The following TAF4B variants were observed in gnomAD, a reference collection of about 807,000 sequenced individuals.
The protein encoded by TAF4B is TATA-box binding protein associated factor 4b.
A neutral mutation model predicts 86.4 loss-of-function variants in TAF4B; 38 were observed. The observed-to-expected ratio is 0.44, with a 90% CI of 0.34 to 0.58. The LOEUF (loss-of-function observed/expected upper bound fraction) is 0.58. Among genes scored for constraint, TAF4B ranks in the 20% least tolerant of loss-of-function variants. TAF4B has a pLI of 0.02. For synonymous variants in TAF4B, 388 were observed against 391.2 expected (o/e 0.99, Z 0.10); for missense variants, 988 against 1,027.6 (o/e 0.96, Z 0.53).
intron 9 of TAF4B, chr18:26,304,880 T>C (rs2056778503): frequency 1.0e-6 from 1 of 985,334 alleles, no homozygotes; most frequent in South Asian, 4.7e-5. Flanking sequence ...AAGTATTTTC[T>C]TTGGGAAATT....
chr18:26,346,875 GTGTATATATATATATATATATATA>G lies in TAF4B; in HGVS notation c.2317-10811_2317-10788del, dbSNP rs2057199009. ...TATATATATGTGTATATATATATAT[GTGTATATATATATATATATATATA>G]TGTGTGTGTATATATATATATATAG... On this transcript the variant is annotated intron_variant, in intron 13 of 14. Coordinates refer to ENST00000269142, the MANE Select transcript of TAF4B (RefSeq NM_005640.3). Among the ~76,000 whole-genome samples, 6 of 5,138 alleles carry G rather than the reference GTGTATATATATATATATATATATA, an allele frequency of 1.2e-3. 2 individuals carry two copies. Among genetic ancestry groups the G allele is most frequent in the African/African-American group, 2.0e-3 (6 of 2,962 alleles). 3.4% of individuals were successfully genotyped at this position (5,138 alleles called of 152,430 possible).
In TAF4B at chr18:26,327,126, C is replaced by T; in HGVS notation, c.2245C>T (p.Leu749Phe). The T allele has an allele frequency of 6.2e-7, 1 of 1,612,116 alleles. No individual in the cohort carries two copies. Among genetic ancestry groups the T allele is most frequent in the Non-Finnish European group, 8.5e-7 (1 of 1,179,596 alleles). The change falls in exon 12 of 15, where the codon CTT (leucine) becomes TTT (phenylalanine). Residue 749 changes from leucine to phenylalanine, a missense_variant. Coordinates refer to ENST00000269142, the MANE Select transcript of TAF4B (RefSeq NM_005640.3). ...RKDLEEREML[L>F]KAAKSRSNKE... The stretch of plus-strand genomic sequence containing the variant: ...GGATTTGGAAGAAAGAGAAATGTTA[C>T]TTAAGGCAGCCAAGGTAAGGGCCAG...
chr18:26,376,822 C>CTT (rs202233339), intron 14 of TAF4B, among the ~76,000 whole-genome samples: 2 of 151,548 alleles, frequency 1.3e-5, no homozygotes, highest in African/African-American at 4.8e-5. Context: ...CTCATAGATG[C>CTT]TTTTTTTTAA....
chr18:26,302,227 G>T (rs954929007), intron 9 of TAF4B, among the ~76,000 whole-genome samples: 13 of 151,872 alleles, frequency 8.6e-5, no homozygotes, highest in Non-Finnish European at 1.5e-4. Flanking sequence ...ATATTTTGAT[G>T]AACAGAAATT....
intron 1 of TAF4B, among the ~76,000 whole-genome samples, chr18:26,244,707 C>A (rs2055896048): frequency 6.6e-6 from 1 of 152,078 alleles, no homozygotes; most frequent in Non-Finnish European, 1.5e-5. Flanking sequence ...TTGGAACCTC[C>A]CCCCGAAATT....
chr18:26,281,829 G>T, intron 5 of TAF4B, 142 bp from the exon 6 acceptor site: 1 of 585,076 alleles, frequency 1.7e-6, no homozygotes, highest in Non-Finnish European at 3.0e-6. Flanking sequence ...CATTTCATAG[G>T]TGGCATGAAG....
At chr18:26,346,454 C>T (rs1384102439) in intron 13 of TAF4B, among the ~76,000 whole-genome samples, 1 of 151,482 alleles carries the variant, frequency 6.6e-6, no homozygotes, top group Non-Finnish European at 1.5e-5. Context: ...GAAATAATAG[C>T]TGAAAATTTC....
chr18:26,343,650 G>A (rs751004644), intron 13 of TAF4B, among the ~76,000 whole-genome samples: 152 of 152,326 alleles, frequency 1.0e-3, no homozygotes, highest in Admixed American at 1.9e-3. Context: ...GGTTTGAAGT[G>A]TACAGGTCCA....
chr18:26,345,046 A>C (rs1328852964), intron 13 of TAF4B, among the ~76,000 whole-genome samples: 1 of 152,156 alleles, frequency 6.6e-6, no homozygotes, highest in African/African-American at 2.4e-5. Context: ...AAAGCCCTGA[A>C]CCCAGTTTGG....
At chr18:26,268,845 C>T (rs2056276495) in intron 3 of TAF4B, among the ~76,000 whole-genome samples, 1 of 152,044 alleles carries the variant, frequency 6.6e-6, no homozygotes, top group African/African-American at 2.4e-5. Context: ...TTTTTGAAGA[C>T]AGAGTCTCAC....
At chr18:26,229,726 C>T (rs1012795062) in intron 1 of TAF4B, among the ~76,000 whole-genome samples, 2 of 152,060 alleles carry the variant, frequency 1.3e-5, no homozygotes, top group African/African-American at 4.8e-5. Flanking sequence ...TGGTCTCGAA[C>T]TCCTGACCTC....
chr18:26,237,945 G>T (rs2055773992), intron 1 of TAF4B, among the ~76,000 whole-genome samples: 1 of 152,104 alleles, frequency 6.6e-6, no homozygotes. Context: ...AAAACTGCCT[G>T]TGGTTTTTTA....
chr18:26,255,603 C>CACAAAAAAA (rs2056070892), intron 1 of TAF4B: 1 of 369,942 alleles, frequency 2.7e-6, no homozygotes, highest in African/African-American at 4.0e-5. Flanking sequence ...ACTCTGTCTC[C>CACAAAAAAA]AAAAAAAAAA....
At chr18:26,356,500 T>C (rs2057289798) in intron 13 of TAF4B, among the ~76,000 whole-genome samples, 1 of 152,208 alleles carries the variant, frequency 6.6e-6, no homozygotes, top group South Asian at 2.1e-4. Context: ...GACTACTTTT[T>C]GTTTTCAACC....
At chr18:26,239,211 G>A (rs2055797624) in intron 1 of TAF4B, among the ~76,000 whole-genome samples, 3 of 152,204 alleles carry the variant, frequency 2.0e-5, no homozygotes, top group South Asian at 4.1e-4. Context: ...CACCAACAGT[G>A]TAAAAGTGTT....
At chr18:26,232,338 T>C (rs530714003) in intron 1 of TAF4B, among the ~76,000 whole-genome samples, 1 of 152,274 alleles carries the variant, frequency 6.6e-6, no homozygotes, top group Admixed American at 6.5e-5. Flanking sequence ...TAGTGTCCTC[T>C]GGAGGTGAAT....
chr18:26,319,548 T>C (rs1364372217), intron 10 of TAF4B, among the ~76,000 whole-genome samples: 1 of 151,766 alleles, frequency 6.6e-6, no homozygotes, highest in Non-Finnish European at 1.5e-5. Context: ...TTTTCTTTTA[T>C]AGAAGGCCCC....
intron 1 of TAF4B, among the ~76,000 whole-genome samples, chr18:26,247,489 A>T (rs574604499): frequency 1.3e-5 from 2 of 152,298 alleles, no homozygotes; most frequent in East Asian, 1.9e-4. Context: ...TAAAAAGATG[A>T]TGCTTACTGT....
At chr18:26,345,160 T>TGTA (rs1364961897) in intron 13 of TAF4B, among the ~76,000 whole-genome samples, 1 of 151,862 alleles carries the variant, frequency 6.6e-6, no homozygotes, top group East Asian at 1.9e-4. Context: ...ACAGATAAGC[T>TGTA]CCTGGTCTAC....
Sources: allele counts gnomAD v4.1 joint callset (sites outside exome capture counted in the v4.1 genomes callset), GRCh38; gene constraint gnomAD v4.1.1; transcripts MANE v1.5; gene names NCBI Gene and HGNC (gene_info 2026-07-23, HGNC 2026-07-21).